NELL2: variants seen among roughly 807,000 people sequenced by gnomAD.
NELL2 encodes the protein neural EGFL like 2.
NELL2 carries 41 observed loss-of-function variants against 109.6 expected under a neutral mutation model. The ratio of observed to expected loss-of-function variants is 0.37; its 90% CI spans 0.29 to 0.49. The LOEUF is 0.49. Ranked by LOEUF, NELL2 falls within the 20% of genes least tolerant of loss-of-function variation. The pLI is 0.98. For missense variants in NELL2, 900 were observed against 1,008.3 expected (o/e 0.89, Z 1.45); for synonymous variants, 355 against 344.7 (o/e 1.03, Z -0.33).
At chr12:44,779,227 T>C (rs1406796275) in intron 5 of NELL2, among the ~76,000 whole-genome samples, 1 of 152,224 alleles carries the variant, frequency 6.6e-6, no homozygotes, top group African/African-American at 2.4e-5. Context: ...TTTGTGCACA[T>C]ATGTGTATTC....
At chr12:44,609,288 C>T (rs1467739634) in intron 14 of NELL2, among the ~76,000 whole-genome samples, 1 of 151,834 alleles carries the variant, frequency 6.6e-6, no homozygotes, top group Non-Finnish European at 1.5e-5. Context: ...TGTGATACCT[C>T]AACAGTGTAT....
intron 16 of NELL2, among the ~76,000 whole-genome samples, chr12:44,529,695 A>T (rs1383325262): frequency 6.6e-6 from 1 of 152,236 alleles, no homozygotes; most frequent in Non-Finnish European, 1.5e-5. Flanking sequence ...ACTGAGTCAA[A>T]TCCCTGAGTG....
chr12:44,899,120 G>A (rs1386651577), intron 1 of NELL2, among the ~76,000 whole-genome samples: 11 of 151,850 alleles, frequency 7.2e-5, no homozygotes, highest in Admixed American at 7.2e-4. Flanking sequence ...TATGTGAAAA[G>A]ACCAAACCTA....
intron 9 of NELL2, among the ~76,000 whole-genome samples, chr12:44,737,625 G>T (rs1939720106): frequency 6.6e-6 from 1 of 151,832 alleles, no homozygotes; most frequent in Admixed American, 6.6e-5. Context: ...TTGTTACATG[G>T]CCACACAACA....
intron 15 of NELL2, among the ~76,000 whole-genome samples, chr12:44,535,045 C>T (rs550530171): frequency 6.6e-6 from 1 of 152,014 alleles, no homozygotes; most frequent in South Asian, 2.1e-4. Flanking sequence ...GGTAAACTTC[C>T]TTGATTTATA....
intron 15 of NELL2, among the ~76,000 whole-genome samples, chr12:44,547,079 C>G (rs1942827568): frequency 1.3e-5 from 2 of 152,120 alleles, no homozygotes; most frequent in Admixed American, 1.3e-4. Flanking sequence ...AAAACAATCT[C>G]TATACGAACA....
chr12:44,659,032 T>C (rs1396147347), intron 13 of NELL2, among the ~76,000 whole-genome samples: 1 of 151,944 alleles, frequency 6.6e-6, no homozygotes, highest in Non-Finnish European at 1.5e-5. Flanking sequence ...AACACAGGCC[T>C]CAGAAATAAC....
At chr12:44,685,136 T>C (rs1231520034) in intron 12 of NELL2, among the ~76,000 whole-genome samples, 4 of 152,204 alleles carry the variant, frequency 2.6e-5, no homozygotes, top group Non-Finnish European at 4.4e-5. Context: ...GGATAGTTAG[T>C]TCTTCTTGTT....
At chr12:44,744,998 C>A (rs556118463) in intron 9 of NELL2, among the ~76,000 whole-genome samples, 1 of 152,022 alleles carries the variant, frequency 6.6e-6, no homozygotes, top group Admixed American at 6.6e-5. Flanking sequence ...GAGACACAAC[C>A]AAAAAAGAGA....
intron 11 of NELL2, among the ~76,000 whole-genome samples, chr12:44,704,327 C>A (rs199772496): frequency 3.9e-4 from 41 of 105,628 alleles, no homozygotes; most frequent in East Asian, 1.3e-3. Context: ...CCAAAAAAAA[C>A]AAAACCTTTC....
chr12:44,902,044 C>A (rs941756615), intron 1 of NELL2, among the ~76,000 whole-genome samples: 2 of 152,122 alleles, frequency 1.3e-5, no homozygotes, highest in Non-Finnish European at 2.9e-5. Context: ...TTTGAAAGTT[C>A]TCACCAGGGC....
intron 19 of NELL2, among the ~76,000 whole-genome samples, chr12:44,510,611 T>C (rs550471338): frequency 3.8e-4 from 58 of 152,300 alleles, no homozygotes; most frequent in African/African-American, 1.4e-3. Flanking sequence ...ATATTATCAG[T>C]TTAACTTATT....
chr12:44,712,840 AATG>A (rs1455669810), intron 10 of NELL2, among the ~76,000 whole-genome samples: 1 of 151,958 alleles, frequency 6.6e-6, no homozygotes, highest in Non-Finnish European at 1.5e-5. Flanking sequence ...TACATGTTGA[AATG>A]ATGATATTTT....
chr12:44,675,638 G>A (rs945646489), intron 12 of NELL2, among the ~76,000 whole-genome samples: 10 of 152,070 alleles, frequency 6.6e-5, no homozygotes, highest in Admixed American at 3.3e-4. Flanking sequence ...ATTTAGAATT[G>A]AAGAAACAGA....
At chr12:44,538,145 C>G (rs1159917201) in intron 15 of NELL2, among the ~76,000 whole-genome samples, 1 of 152,134 alleles carries the variant, frequency 6.6e-6, no homozygotes, top group African/African-American at 2.4e-5. Flanking sequence ...GCAAAAACAA[C>G]AGAACCCTTT....
chr12:44,589,884 G>A (rs968118460), intron 15 of NELL2, among the ~76,000 whole-genome samples: 2 of 152,050 alleles, frequency 1.3e-5, no homozygotes, highest in African/African-American at 4.8e-5. Context: ...AGTATCAAAT[G>A]CATATCACTA....
chr12:44,611,970 A>G (rs1489578332), intron 13 of NELL2, among the ~76,000 whole-genome samples: 11 of 152,098 alleles, frequency 7.2e-5, no homozygotes, highest in Admixed American at 5.9e-4. Flanking sequence ...AGTCTCTTAC[A>G]TGAATATTAT....
chr12:44,726,035 T>C (rs571840719), intron 9 of NELL2, among the ~76,000 whole-genome samples: 39 of 152,186 alleles, frequency 2.6e-4, no homozygotes, highest in Middle Eastern at 3.4e-3. Context: ...TGCATAACAA[T>C]AAATACACTG....
chr12:44,771,347 A>T (rs986641), intron 9 of NELL2, among the ~76,000 whole-genome samples: 92,365 of 131,516 alleles, frequency 0.7, 29,376 homozygotes, highest in Middle Eastern at 0.82. Flanking sequence ...TGGTTTTTTT[A>T]AAAAAAAAAA....
Sources: gnomAD v4.1 joint callset for allele counts (sites outside exome capture counted in the v4.1 genomes callset) on GRCh38, gnomAD v4.1.1 for gene constraint, MANE v1.5 for transcripts, NCBI Gene and HGNC (gene_info 2026-07-23, HGNC 2026-07-21) for gene names.